FARSB: variants seen among roughly 807,000 people sequenced by gnomAD.
The protein encoded by FARSB is phenylalanyl-tRNA synthetase subunit beta.
A neutral mutation model predicts 69.6 loss-of-function variants in FARSB; 40 were observed. The ratio of observed to expected loss-of-function variants is 0.57; its 90% confidence interval spans 0.45 to 0.75. The LOEUF is 0.75. FARSB is among the 30% of genes least tolerant of loss of function. FARSB has a pLI of 0.00. For synonymous variants in FARSB, 235 were observed against 247.2 expected, an observed-to-expected ratio of 0.95 and a Z score of 0.46; for missense variants, 632 against 722.9, an observed-to-expected ratio of 0.87 and a Z score of 1.44.
At chr2:222,606,341 A>G (rs1293451641) in intron 15 of FARSB, among the ~76,000 whole-genome samples, 1 of 149,194 alleles carries the variant, frequency 6.7e-6, no homozygotes, top group Non-Finnish European at 1.5e-5. Context: ...ATGTTGCACT[A>G]AGAGACCATA....
At chr2:222,644,775 G>A (rs1277243649) in intron 2 of FARSB, among the ~76,000 whole-genome samples, 1 of 152,050 alleles carries the variant, frequency 6.6e-6, no homozygotes, top group Non-Finnish European at 1.5e-5. Flanking sequence ...GGCACAGTAA[G>A]AGATTAACAA....
chr2:222,574,722 T>C (rs1376894306), intron 16 of FARSB, among the ~76,000 whole-genome samples: 1 of 152,088 alleles, frequency 6.6e-6, no homozygotes, highest in African/African-American at 2.4e-5. Flanking sequence ...TTGTGAAAAA[T>C]GAAAAAATGG....
intron 2 of FARSB, 35 bp from the exon 3 acceptor site, chr2:222,643,040 A>T: frequency 7.3e-7 from 1 of 1,374,174 alleles, no homozygotes; most frequent in Non-Finnish European, 1.0e-6. Context: ...TAAAAATTAA[A>T]TAATTTAAAC....
intron 1 of FARSB, among the ~76,000 whole-genome samples, chr2:222,649,966 G>A (rs1255530673): frequency 6.6e-6 from 1 of 152,026 alleles, no homozygotes; most frequent in South Asian, 2.1e-4. Flanking sequence ...AGGTACCAGG[G>A]TTACAAAGAT....
intron 13 of FARSB, among the ~76,000 whole-genome samples, chr2:222,623,089 GAA>G (rs1220993098): frequency 1.3e-5 from 2 of 152,248 alleles, no homozygotes; most frequent in East Asian, 3.9e-4. Context: ...GGGAAAAACG[GAA>G]CTACAAATTG....
At chr2:222,579,781 G>A (rs1247248939) in intron 16 of FARSB, among the ~76,000 whole-genome samples, 1 of 152,224 alleles carries the variant, frequency 6.6e-6, no homozygotes, top group Non-Finnish European at 1.5e-5. Flanking sequence ...AACCCAGTCT[G>A]TAGCTCATCC....
chr2:222,620,866 A>G (rs1691117532), intron 13 of FARSB, among the ~76,000 whole-genome samples: 1 of 152,220 alleles, frequency 6.6e-6, no homozygotes, highest in Non-Finnish European at 1.5e-5. Flanking sequence ...GAAATGGTAA[A>G]AAGAATTCAT....
intron 16 of FARSB, among the ~76,000 whole-genome samples, chr2:222,593,743 T>A (rs1690337943): frequency 6.6e-6 from 1 of 151,766 alleles, no homozygotes; most frequent in Non-Finnish European, 1.5e-5. Context: ...TGGTGGTACG[T>A]GCCTGTAGTC....
At chr2:222,584,108 G>A (rs1337872239) in intron 16 of FARSB, among the ~76,000 whole-genome samples, 1 of 152,016 alleles carries the variant, frequency 6.6e-6, no homozygotes, top group Non-Finnish European at 1.5e-5. Flanking sequence ...ATCTGATTTT[G>A]ATGATTATTA....
Position 222,634,557 on chromosome 2 carries a change from T to C in FARSB, c.456-16A>G. 2.5e-6 allele frequency: 4 copies of C among 1,596,746 alleles called. No individual in the cohort carries two copies. The highest frequency in any genetic ancestry group is 3.4e-6 in the Non-Finnish European group (4 of 1,171,586). On this transcript the variant is annotated splice_polypyrimidine_tract_variant and intron_variant, in intron 5 of 16. Transcript: ENST00000281828. ...TGCTCTTTTCCTAATTGTTGAGAGG[T>C]TGAGGGAGAAGGAGGGAGGAAAGGA... is the stretch of plus-strand genomic sequence containing the variant.
rs549306118 is a variant in FARSB, at chr2:222,613,893, C to A, written c.1380G>T (p.Lys460Asn). The A allele has an allele frequency of 6.2e-7, 1 of 1,613,690 alleles. No homozygotes were observed. Reference protein sequence around the residue: ...ARTTLLPGLLKTIAANRKMPL... With the variant: ...ARTTLLPGLLNTIAANRKMPL... ...GCATCTTACGATTTGCTGCTATGGTCTTCAGGAGGCCAGGAAGAAGGGTAG... is the reference window on the plus strand; with the variant it reads ...GCATCTTACGATTTGCTGCTATGGTATTCAGGAGGCCAGGAAGAAGGGTAG... Residue 460 changes from lysine (K) to asparagine (N), a missense_variant, in exon 15 of 17, where the codon AAG (lysine) becomes AAT (asparagine). Physicochemically the swap from Lys to Asn is moderately conservative, Grantham distance 94. Coordinates refer to ENST00000281828, the MANE Select transcript of FARSB (RefSeq NM_005687.5).
intron 3 of FARSB, 142 bp from the exon 4 acceptor site, chr2:222,641,073 A>C: frequency 2.5e-6 from 1 of 406,624 alleles, no homozygotes; most frequent in Non-Finnish European, 4.4e-6. Context: ...TTGGCTGAAC[A>C]CTAAAAAAAA....
At chr2:222,578,785 C>T (rs192104630) in intron 16 of FARSB, among the ~76,000 whole-genome samples, 6 of 151,924 alleles carry the variant, frequency 3.9e-5, no homozygotes, top group African/African-American at 1.2e-4. Flanking sequence ...CGAGACCATC[C>T]TGGCTAACAT....
In FARSB at chr2:222,569,933, G is replaced by T. The variant is rs1350591117; in HGVS notation, c.*1938C>A. Among the ~76,000 whole-genome samples, 2 of 152,182 alleles carry T rather than the reference G, an allele frequency of 1.3e-5. No homozygotes were observed. The highest frequency in any genetic ancestry group is 4.8e-5 in the African/African-American group (2 of 41,446). On this transcript the variant is annotated 3_prime_UTR_variant, in exon 17 of 17. Transcript: ENST00000281828. ...AACCTAGGAATAGAATGGCTAGATG[G>T]TAGGTGTATGTTTCAAGAGACTGCC...
intron 15 of FARSB, among the ~76,000 whole-genome samples, chr2:222,612,313 T>A (rs1690875526): frequency 6.6e-6 from 1 of 152,218 alleles, no homozygotes; most frequent in Non-Finnish European, 1.5e-5. Flanking sequence ...GTACTATGGC[T>A]CCAGCTCCAA....
chr2:222,646,235 AG>A (rs1417776659), intron 2 of FARSB, among the ~76,000 whole-genome samples: 1 of 152,230 alleles, frequency 6.6e-6, no homozygotes, highest in Non-Finnish European at 1.5e-5. Flanking sequence ...ACAGACACCA[AG>A]AATCCATTCA....
At chr2:222,646,052 T>C (rs1691845554) in intron 2 of FARSB, among the ~76,000 whole-genome samples, 1 of 152,154 alleles carries the variant, frequency 6.6e-6, no homozygotes, top group Non-Finnish European at 1.5e-5. Flanking sequence ...GGAAACCTCA[T>C]TCATTTCACA....
chr2:222,634,562 G>A, intron 5 of FARSB, 21 bp from the exon 6 acceptor site: 1 of 1,583,940 alleles, frequency 6.3e-7, no homozygotes, highest in Non-Finnish European at 8.6e-7. Flanking sequence ...AGAGGTTGAG[G>A]GAGAAGGAGG....
At chr2:222,653,186 G>C (rs1574959841) in intron 1 of FARSB, among the ~76,000 whole-genome samples, 1 of 152,206 alleles carries the variant, frequency 6.6e-6, no homozygotes, top group Admixed American at 6.5e-5. Flanking sequence ...CGTTGAAAAG[G>C]TAGACTAAGG....
Sources: allele counts gnomAD v4.1 joint callset (sites outside exome capture counted in the v4.1 genomes callset), GRCh38; gene constraint gnomAD v4.1.1; transcripts MANE v1.5; gene names NCBI Gene and HGNC (gene_info 2026-07-23, HGNC 2026-07-21).